The following ASAP1 variants were observed in gnomAD, a reference collection of about 807,000 sequenced individuals.
ASAP1 encodes the protein ArfGAP with SH3 domain, ankyrin repeat and PH domain 1.
In ASAP1, 43 loss-of-function variants were observed where a neutral mutation model predicts 145.2. The ratio of observed to expected loss-of-function variants is 0.30; its 90% CI spans 0.23 to 0.38. The LOEUF (loss-of-function observed/expected upper bound fraction) is 0.38. ASAP1 is among the 10% of genes least tolerant of loss of function. ASAP1 has a pLI of 1.00. For synonymous variants in ASAP1, 546 were observed against 515.5 expected (o/e 1.06, Z -0.80); for missense variants, 1,018 against 1,355.3 (o/e 0.75, Z 3.91).
rs558264829 is a variant in ASAP1 at position 130,206,044 on chromosome 8, T to C, written c.405+8512A>G. Among the ~76,000 whole-genome samples, 66 of 151,962 alleles carry C rather than the reference T, an allele frequency of 4.3e-4. No homozygotes were observed. The South Asian group carries it at 0.013, about 31-fold the overall frequency. On this transcript the variant is annotated intron_variant, in intron 5 of 29. Coordinates refer to ENST00000518721, the MANE Select transcript of ASAP1 (RefSeq NM_018482.4). ...TAAAATTTTCCATATATCTCAAATTTTTATAATAAATATGTATGATTTTTT... is the reference window on the plus strand; with the variant it reads ...TAAAATTTTCCATATATCTCAAATTCTTATAATAAATATGTATGATTTTTT...
intron 16 of ASAP1, among the ~76,000 whole-genome samples, chr8:130,127,637 G>T (rs1232761205): frequency 6.6e-6 from 1 of 152,084 alleles, no homozygotes; most frequent in Non-Finnish European, 1.5e-5. Flanking sequence ...TGGACCCCAT[G>T]CCCCCTACTC....
chr8:130,174,639 G>C (rs999975628), intron 9 of ASAP1, among the ~76,000 whole-genome samples: 1 of 152,130 alleles, frequency 6.6e-6, no homozygotes, highest in Admixed American at 6.6e-5. Context: ...CTGGAGATTG[G>C]GCCAATAACC....
rs1049710683 is a variant in ASAP1, at chr8:130,076,742, T to TAAA, written c.2643-337_2643-336insTTT. Among the ~76,000 whole-genome samples the TAAA allele has an allele frequency of 4.6e-5, 7 of 152,284 alleles. No individual in the cohort carries two copies. The South Asian group carries it at 8.3e-4, about 18-fold the overall frequency. On this transcript the variant is annotated intron_variant, in intron 26 of 29. Coordinates refer to ENST00000518721, the MANE Select transcript of ASAP1 (RefSeq NM_018482.4). ...CACCATCTTGGCCAAGCTGGTCTTG[T>TAAA]ACTCCTGAGCTCGTGGATCCACCCA... is the stretch of plus-strand genomic sequence containing the variant.
At chr8:130,435,160 T>TTACGC (rs1830268881) in intron 1 of ASAP1, among the ~76,000 whole-genome samples, 1 of 152,146 alleles carries the variant, frequency 6.6e-6, no homozygotes, top group Admixed American at 6.6e-5. Flanking sequence ...ACCATCCCCT[T>TTACGC]TACGCAGGTG....
At chr8:130,380,012 G>T (rs943844012) in intron 2 of ASAP1, among the ~76,000 whole-genome samples, 6 of 152,176 alleles carry the variant, frequency 3.9e-5, no homozygotes, top group African/African-American at 1.4e-4. Context: ...CCCTGACAGT[G>T]GGCAGCTAGC....
chr8:130,108,346 C>T (rs1439855428), intron 24 of ASAP1, among the ~76,000 whole-genome samples: 1 of 152,206 alleles, frequency 6.6e-6, no homozygotes, highest in East Asian at 1.9e-4. Context: ...ATTAGCATAT[C>T]AGGTGTTCAC....
intron 26 of ASAP1, among the ~76,000 whole-genome samples, chr8:130,077,833 G>A (rs147212884): frequency 2.5e-3 from 383 of 152,152 alleles, no homozygotes; most frequent in Non-Finnish European, 4.4e-3. Context: ...TCTGGGCAAC[G>A]GGGGAATATT....
At chr8:130,155,001 A>T (rs2097655243) in intron 12 of ASAP1, among the ~76,000 whole-genome samples, 1 of 152,134 alleles carries the variant, frequency 6.6e-6, no homozygotes, top group African/African-American at 2.4e-5. Flanking sequence ...TCTTACTCTC[A>T]CAAGAGCCTG....
At chr8:130,240,698 A>G (rs78454054) in intron 3 of ASAP1, among the ~76,000 whole-genome samples, 1 of 152,312 alleles carries the variant, frequency 6.6e-6, no homozygotes, top group African/African-American at 2.4e-5. Flanking sequence ...AAATGAATAC[A>G]GGAGAATGTA....
intron 24 of ASAP1, among the ~76,000 whole-genome samples, chr8:130,096,081 G>A (rs1421776334): frequency 1.3e-5 from 2 of 152,172 alleles, no homozygotes; most frequent in African/African-American, 4.8e-5. Flanking sequence ...CCTATCTATT[G>A]TCTTGTAGTA....
chr8:130,184,795 T>A (rs113934865), intron 7 of ASAP1, among the ~76,000 whole-genome samples: 2,343 of 152,344 alleles, frequency 0.015, 63 homozygotes, highest in African/African-American at 0.052. Flanking sequence ...CTATTTATTG[T>A]GTGACTTCCC....
At chr8:130,113,979 G>A (rs541338626) in intron 23 of ASAP1, among the ~76,000 whole-genome samples, 1 of 151,896 alleles carries the variant, frequency 6.6e-6, no homozygotes, top group Non-Finnish European at 1.5e-5. Context: ...AGAGGGTTTC[G>A]CCATGTTGCC....
chr8:130,166,224 G>A (rs2136065765), intron 11 of ASAP1, among the ~76,000 whole-genome samples: 1 of 152,190 alleles, frequency 6.6e-6, no homozygotes, highest in African/African-American at 2.4e-5. Flanking sequence ...GCCTAGGCTG[G>A]TCTCAAACTC....
At chr8:130,135,625 G>A (rs571137516) in intron 14 of ASAP1, among the ~76,000 whole-genome samples, 1 of 152,322 alleles carries the variant, frequency 6.6e-6, no homozygotes, top group South Asian at 2.1e-4. Context: ...TGAACCTCTT[G>A]GAGTCTGAGT....
intron 18 of ASAP1, among the ~76,000 whole-genome samples, chr8:130,122,815 C>G (rs560269055): frequency 1.3e-5 from 2 of 152,308 alleles, no homozygotes; most frequent in South Asian, 4.1e-4. Context: ...CCAGGTGGCG[C>G]TGATGCTGCT....
chr8:130,281,809 G>A (rs993619201), intron 3 of ASAP1, among the ~76,000 whole-genome samples: 1 of 152,216 alleles, frequency 6.6e-6, no homozygotes, highest in Non-Finnish European at 1.5e-5. Flanking sequence ...GCTCACGCCT[G>A]TAATCCCAGC....
intron 5 of ASAP1, among the ~76,000 whole-genome samples, chr8:130,212,834 T>C (rs1816669740): frequency 6.6e-6 from 1 of 152,208 alleles, no homozygotes. Flanking sequence ...TAGCAAACCG[T>C]AGAGATGAGA....
chr8:130,198,530 G>C (rs563023313), intron 5 of ASAP1, among the ~76,000 whole-genome samples: 1 of 152,084 alleles, frequency 6.6e-6, no homozygotes, highest in Non-Finnish European at 1.5e-5. Flanking sequence ...AGATAATGCA[G>C]CCCATTATAC....
intron 3 of ASAP1, among the ~76,000 whole-genome samples, chr8:130,310,155 T>TGGGGGGGGGGGGGGGGGGGGGGG (rs1823251963): frequency 2.1e-5 from 1 of 48,600 alleles, no homozygotes; most frequent in African/African-American, 7.6e-5. Flanking sequence ...GGGAGGGGGG[T>TGGGGGGGGGGGGGGGGGGGGGGG]GAGGGGAGGG....
Sources: gnomAD v4.1 joint callset for allele counts (sites outside exome capture counted in the v4.1 genomes callset) on GRCh38, gnomAD v4.1.1 for gene constraint, MANE v1.5 for transcripts, NCBI Gene and HGNC (gene_info 2026-07-23, HGNC 2026-07-21) for gene names.